The following TCF7L2 variants were observed in gnomAD, a reference collection of about 807,000 sequenced individuals.
The protein encoded by TCF7L2 is transcription factor 7-like 2.
Under a neutral mutation model 77.9 loss-of-function variants are expected in TCF7L2, and 23 were observed. The observed-to-expected ratio is 0.30, with a 90% CI of 0.21 to 0.42. The LOEUF (loss-of-function observed/expected upper bound fraction) is 0.42. Among genes scored for constraint, TCF7L2 ranks in the 10% least tolerant of loss-of-function variants. The pLI is 1.00. For missense variants in TCF7L2, 654 were observed against 793.1 expected, an observed-to-expected ratio of 0.82 and a Z score of 2.11; for synonymous variants, 413 against 340.2, an observed-to-expected ratio of 1.21 and a Z score of -2.36.
Position 112,964,694 on chromosome 10 carries a change from C to T in TCF7L2, c.450+70C>T, listed in dbSNP as rs996357509. 3.0e-5 allele frequency: 40 copies of T among 1,316,490 alleles called. No individual in the cohort carries two copies. The African/African-American group carries it at 4.7e-4, about 15-fold the overall frequency. The allele number at this position is 1,316,490 out of a possible 1,614,324, so 81.6% of individuals were successfully genotyped here. The stretch of plus-strand genomic sequence containing the variant: ...GGTCTCTTGTGTGTTTTATTCTCCG[C>T]CCCTTCCCCCAACTGAGATAATGAT... On this transcript the variant is annotated intron_variant, in intron 4 of 13. Transcript: ENST00000627217.
chr10:113,126,797 C>G, intron 5 of TCF7L2: 1 of 985,006 alleles, frequency 1.0e-6, no homozygotes, highest in Non-Finnish European at 1.2e-6. Flanking sequence ...CCGCGGCCGG[C>G]GCGGGCCCTG....
Position 113,017,583 on chromosome 10 carries a change from A to T in TCF7L2, c.451-22442A>T, listed in dbSNP as rs555743587. Among the ~76,000 whole-genome samples the T allele has an allele frequency of 1.2e-4, 18 of 152,282 alleles. 1 individual carries two copies. The East Asian group carries it at 3.5e-3, about 29-fold the overall frequency. The stretch of plus-strand genomic sequence containing the variant: ...CAGAGGGCTCTCTTGGGTGTGGCCT[A>T]TTGCAGTTGAGCCAGGGAAAGGCTG... On this transcript the variant is annotated intron_variant, in intron 4 of 13. Transcript: ENST00000627217.
rs754386279 is a variant in TCF7L2 at position 113,165,540 on chromosome 10, C to G, written c.1392-15C>G. 6 of 1,613,232 alleles carry G rather than the reference C, an allele frequency of 3.7e-6. No homozygotes were observed. Among genetic ancestry groups the G allele is most frequent in the Non-Finnish European group, 3.4e-6 (4 of 1,179,608 alleles). On this transcript the variant is annotated splice_polypyrimidine_tract_variant and intron_variant, in intron 13 of 13. Coordinates refer to ENST00000627217, the MANE Select transcript of TCF7L2 (RefSeq NM_001146274.2). Reference sequence around the variant, plus strand: ...GTGCCCTCTATTCACAGATAACTCTCTCCCCTGTTTCTAGGAGAAAAAAAA... The same window carrying G: ...GTGCCCTCTATTCACAGATAACTCTGTCCCCTGTTTCTAGGAGAAAAAAAA...
At chr10:113,050,640 GT>G (rs917435445) in intron 5 of TCF7L2, among the ~76,000 whole-genome samples, 63 of 152,150 alleles carry the variant, frequency 4.1e-4, no homozygotes, top group African/African-American at 1.4e-3. Context: ...AAAAAAAATT[GT>G]TTTTTTGGAA....
intron 12 of TCF7L2, 88 bp downstream of exon 13, chr10:113,158,805 C>A: frequency 7.5e-7 from 1 of 1,327,986 alleles, no homozygotes; most frequent in Non-Finnish European, 1.1e-6. Flanking sequence ...CATTTAAACA[C>A]GTATGACATT....
In TCF7L2 at chr10:112,950,260, G is replaced by T. The variant is rs77172590; in HGVS notation, c.-497G>T. The stretch of plus-strand genomic sequence containing the variant: ...TCCTCTCGCCCTGTCAATAATCTCC[G>T]CTCCCAGACTACTCCGTTCCTCCGG... On this transcript the variant is annotated 5_prime_UTR_variant, in exon 1 of 14. Coordinates refer to ENST00000627217, the MANE Select transcript of TCF7L2 (RefSeq NM_001146274.2). 0.03 allele frequency: 5,681 copies of T among 186,790 alleles called. 309 individuals carry two copies. The highest frequency in any genetic ancestry group is 0.13 in the African/African-American group (5,044 of 40,252). 11.6% of individuals were successfully genotyped at this position (186,790 alleles called of 1,614,324 possible). A position where few individuals can be genotyped will look rare whatever the true frequency, so the allele number is the denominator to read the frequency against.
intron 4 of TCF7L2, among the ~76,000 whole-genome samples, chr10:113,004,051 G>C (rs534032024): frequency 1.3e-5 from 2 of 152,224 alleles, no homozygotes; most frequent in Non-Finnish European, 2.9e-5. Flanking sequence ...AGAGCCCTAG[G>C]TAGCACAGGG....
intron 5 of TCF7L2, among the ~76,000 whole-genome samples, chr10:113,102,217 G>C (rs1303042800): frequency 6.7e-6 from 1 of 150,084 alleles, no homozygotes; most frequent in Non-Finnish European, 1.5e-5. Flanking sequence ...CGTGTGCTCT[G>C]TACTCTGAGC....
chr10:113,138,506 C>T (rs1282009002), intron 5 of TCF7L2, among the ~76,000 whole-genome samples: 2 of 152,076 alleles, frequency 1.3e-5, no homozygotes, highest in Non-Finnish European at 2.9e-5. Context: ...GAGGGTTTTC[C>T]CCACATCTCC....
At chr10:113,122,803 C>T (rs767265588) in intron 5 of TCF7L2, among the ~76,000 whole-genome samples, 56 of 152,028 alleles carry the variant, frequency 3.7e-4, no homozygotes, top group East Asian at 7.7e-4. Flanking sequence ...AAGTGTGGTC[C>T]GGAATTACCT....
intron 4 of TCF7L2, among the ~76,000 whole-genome samples, chr10:112,986,802 C>T (rs1027204500): frequency 5.9e-5 from 9 of 152,242 alleles, no homozygotes; most frequent in East Asian, 1.9e-4. Flanking sequence ...CACTCACCTC[C>T]GTCTCCTTTT....
chr10:113,029,394 T>G (rs1009749743), intron 4 of TCF7L2, among the ~76,000 whole-genome samples: 5 of 152,198 alleles, frequency 3.3e-5, no homozygotes, highest in African/African-American at 1.2e-4. Flanking sequence ...AAAATCACAT[T>G]TGGAAAAATT....
At chr10:113,157,900 T>G in intron 11 of TCF7L2, 121 bp from the exon 12 acceptor site, 1 of 1,014,872 alleles carries the variant, frequency 9.9e-7, no homozygotes. Context: ...TACCGGGGGT[T>G]TGTGTGGATG....
intron 5 of TCF7L2, among the ~76,000 whole-genome samples, chr10:113,043,425 G>A (rs981575981): frequency 6.6e-6 from 1 of 152,178 alleles, no homozygotes; most frequent in African/African-American, 2.4e-5. Flanking sequence ...TTTAGTTCCT[G>A]TAGCTGATAT....
chr10:113,083,365 A>T (rs1327289142), intron 5 of TCF7L2, among the ~76,000 whole-genome samples: 6 of 152,090 alleles, frequency 3.9e-5, no homozygotes, highest in Non-Finnish European at 7.3e-5. Flanking sequence ...CATTAAAAAA[A>T]AATAATAATG....
intron 4 of TCF7L2, among the ~76,000 whole-genome samples, chr10:112,990,710 A>T (rs1007108601): frequency 6.6e-6 from 1 of 151,998 alleles, no homozygotes; most frequent in Non-Finnish European, 1.5e-5. Flanking sequence ...TGTCTCAATA[A>T]TAAATAAATA....
intron 5 of TCF7L2, among the ~76,000 whole-genome samples, chr10:113,105,697 G>A (rs1350299350): frequency 1.3e-5 from 2 of 152,046 alleles, no homozygotes; most frequent in Non-Finnish European, 2.9e-5. Flanking sequence ...GCCTTTCTTC[G>A]AATCACGAAG....
At chr10:113,000,705 G>A (rs2044310638) in intron 4 of TCF7L2, among the ~76,000 whole-genome samples, 1 of 152,186 alleles carries the variant, frequency 6.6e-6, no homozygotes, top group African/African-American at 2.4e-5. Flanking sequence ...GGCCCGGAGG[G>A]GAGGGCAAGG....
At chr10:112,952,752 C>T (rs560570906) in intron 3 of TCF7L2, among the ~76,000 whole-genome samples, 150 of 152,242 alleles carry the variant, frequency 9.9e-4, no homozygotes, top group African/African-American at 3.6e-3. Flanking sequence ...GGGTGCCGGG[C>T]TCGGGGGGCG....
Sources: allele counts gnomAD v4.1 joint callset (sites outside exome capture counted in the v4.1 genomes callset), GRCh38; gene constraint gnomAD v4.1.1; transcripts MANE v1.5; gene names NCBI Gene and HGNC (gene_info 2026-07-23, HGNC 2026-07-21).